Variants in BTBD7 observed in about 807,000 individuals in gnomAD.
BTBD7 encodes the protein BTB/POZ domain-containing protein 7.
BTBD7 carries 38 observed loss-of-function variants against 99.9 expected under a neutral mutation model. That is an observed-to-expected ratio of 0.38 (90% CI 0.29 to 0.50). The LOEUF is 0.50. BTBD7 is among the 20% of genes least tolerant of loss of function. The pLI is 0.93. For missense variants in BTBD7, 1,170 were observed against 1,394.6 expected (o/e 0.84, Z 2.57); for synonymous variants, 520 against 511.4 (o/e 1.02, Z -0.23).
intron 3 of BTBD7, among the ~76,000 whole-genome samples, chr14:93,287,149 A>G (rs931459142): frequency 6.6e-6 from 1 of 151,340 alleles, no homozygotes; most frequent in African/African-American, 2.4e-5. Flanking sequence ...GAATCGCTTG[A>G]ACCTGGGAGG....
intron 1 of BTBD7, among the ~76,000 whole-genome samples, chr14:93,299,434 T>TC (rs2052966614): frequency 6.6e-6 from 1 of 152,142 alleles, no homozygotes; most frequent in Non-Finnish European, 1.5e-5. Flanking sequence ...TCTACAGACA[T>TC]CCAATCTTTG....
At chr14:93,247,261 C>T (rs61991738) in intron 9 of BTBD7, among the ~76,000 whole-genome samples, 126 of 152,270 alleles carry the variant, frequency 8.3e-4, no homozygotes, top group South Asian at 4.6e-3. Context: ...CTCTTGAGCT[C>T]AAGTGATTCA....
intron 3 of BTBD7, among the ~76,000 whole-genome samples, chr14:93,290,676 C>A (rs1404087069): frequency 6.6e-6 from 1 of 151,556 alleles, no homozygotes; most frequent in South Asian, 2.1e-4. Context: ...TGCCACCACA[C>A]CCAGCTAAAT....
Position 93,242,712 on chromosome 14 carries a change from C to T in BTBD7, c.2960G>A (p.Gly987Asp), listed in dbSNP as rs769436996. 6.2e-7 allele frequency: 1 copy of T among 1,614,148 alleles called. No individual in the cohort carries two copies. The highest frequency in any genetic ancestry group is 1.1e-5 in the South Asian group (1 of 91,072). Residue 987 changes from glycine to aspartate, a missense_variant, in exon 11 of 11, where the codon GGC (glycine) becomes GAC (aspartate). Coordinates refer to ENST00000334746, the MANE Select transcript of BTBD7 (RefSeq NM_001002860.4). ...ACCAGGTAGGTAGGCTGACTTTAAG[C>T]CACTTGGTGATGCCTTATTGTGGCT... Reference protein sequence around the residue: ...LYSHNKASPSGLKSAYLPGQT... With the variant: ...LYSHNKASPSDLKSAYLPGQT...
At chr14:93,295,615 T>C (rs896926712) in intron 2 of BTBD7, among the ~76,000 whole-genome samples, 1 of 152,202 alleles carries the variant, frequency 6.6e-6, no homozygotes, top group African/African-American at 2.4e-5. Context: ...AATTGTGAAA[T>C]GTTTCTTTTT....
rs2053179836 is a variant in BTBD7 at position 93,314,768 on chromosome 14, G to A, written c.-107+18052C>T. 2.0e-5 allele frequency among the ~76,000 whole-genome samples: 3 copies of A among 152,130 alleles called. No homozygotes were observed. The South Asian group carries it at 6.2e-4, about 31-fold the overall frequency. On this transcript the variant is annotated intron_variant, in intron 1 of 10. Coordinates refer to ENST00000334746, the MANE Select transcript of BTBD7 (RefSeq NM_001002860.4). ...TGCAATTTACACTCCTATCAGCTCT[G>A]CATGAGAATGTCCAAAATGCTGGAC...
At chr14:93,269,119 C>G (rs375358581) in intron 3 of BTBD7, among the ~76,000 whole-genome samples, 1 of 152,042 alleles carries the variant, frequency 6.6e-6, no homozygotes, top group Non-Finnish European at 1.5e-5. Flanking sequence ...ACTTCTCTCA[C>G]GAGCAGAAAG....
rs866410777 is a variant in BTBD7 at position 93,328,611 on chromosome 14, T to A, written c.-107+4209A>T. 4.7e-3 allele frequency among the ~76,000 whole-genome samples: 481 copies of A among 101,868 alleles called. 3 individuals are homozygous for A. The highest frequency in any genetic ancestry group is 0.035 in the Middle Eastern group (5 of 142). 66.8% of individuals were successfully genotyped at this position (101,868 alleles called of 152,430 possible). A position where few individuals can be genotyped will look rare whatever the true frequency, so the allele number is the denominator to read the frequency against. On this transcript the variant is annotated intron_variant, in intron 1 of 10. Transcript: ENST00000334746. ...TAAGAGCCAGAACTATAAAATTCTT[T>A]AAAAAAAAAAAAAAAAAAAAAAAAA...
chr14:93,321,351 C>G (rs902648355), intron 1 of BTBD7, among the ~76,000 whole-genome samples: 5 of 152,294 alleles, frequency 3.3e-5, no homozygotes, highest in African/African-American at 1.2e-4. Flanking sequence ...CCAGCACTTT[C>G]AGAGGCCTAG....
intron 3 of BTBD7, among the ~76,000 whole-genome samples, chr14:93,286,359 G>A (rs1422010574): frequency 1.3e-5 from 2 of 152,184 alleles, no homozygotes; most frequent in African/African-American, 4.8e-5. Flanking sequence ...AGGAAACAAT[G>A]GCTGAAACAG....
intron 3 of BTBD7, among the ~76,000 whole-genome samples, chr14:93,286,210 A>G (rs1405996322): frequency 3.1e-4 from 47 of 152,226 alleles, no homozygotes; most frequent in Admixed American, 3.1e-3. Flanking sequence ...TGCAGAAGAA[A>G]GTATATGACC....
intron 1 of BTBD7, among the ~76,000 whole-genome samples, chr14:93,309,227 C>A (rs558686786): frequency 6.6e-6 from 1 of 152,140 alleles, no homozygotes; most frequent in African/African-American, 2.4e-5. Flanking sequence ...ATGTAGACAG[C>A]ACAGGCATAT....
chr14:93,289,354 TAA>T (rs1422745448), intron 3 of BTBD7, among the ~76,000 whole-genome samples: 5 of 152,218 alleles, frequency 3.3e-5, no homozygotes, highest in Non-Finnish European at 5.9e-5. Context: ...TATTCAGACT[TAA>T]AATCAACTCT....
chr14:93,243,194 G>C, intron 10 of BTBD7, 106 bp from the exon 11 acceptor site: 1 of 1,061,920 alleles, frequency 9.4e-7, no homozygotes, highest in African/African-American at 1.6e-5. Context: ...AACACATTCT[G>C]TTTTTGTTTT....
intron 3 of BTBD7, among the ~76,000 whole-genome samples, chr14:93,264,262 C>G (rs1018892241): frequency 1.3e-5 from 2 of 151,954 alleles, no homozygotes; most frequent in African/African-American, 4.8e-5. Flanking sequence ...ATGTGCAAAC[C>G]AATAATGTGA....
intron 1 of BTBD7, among the ~76,000 whole-genome samples, chr14:93,328,373 A>G (rs1049197637): frequency 7.2e-5 from 11 of 152,196 alleles, no homozygotes; most frequent in African/African-American, 2.4e-4. Flanking sequence ...ATAAAACTAC[A>G]GTAATTAAAA....
At chr14:93,272,279 C>G (rs1001430057) in intron 3 of BTBD7, among the ~76,000 whole-genome samples, 2 of 152,094 alleles carry the variant, frequency 1.3e-5, no homozygotes, top group Non-Finnish European at 2.9e-5. Flanking sequence ...GAGACTGTCT[C>G]AAAAACACAA....
intron 1 of BTBD7, among the ~76,000 whole-genome samples, chr14:93,309,271 G>T (rs1465977409): frequency 6.6e-6 from 1 of 152,076 alleles, no homozygotes; most frequent in Non-Finnish European, 1.5e-5. Flanking sequence ...TCAAAGTAGA[G>T]ACTTTAAAGT....
intron 5 of BTBD7, among the ~76,000 whole-genome samples, chr14:93,258,262 A>C (rs2052452298): frequency 6.6e-6 from 1 of 151,784 alleles, no homozygotes; most frequent in Admixed American, 6.6e-5. Flanking sequence ...TTGAGAAGCT[A>C]AGTTTTTTTC....
Sources: gnomAD v4.1 joint callset for allele counts (sites outside exome capture counted in the v4.1 genomes callset) on GRCh38, gnomAD v4.1.1 for gene constraint, MANE v1.5 for transcripts, NCBI Gene and HGNC (gene_info 2026-07-23, HGNC 2026-07-21) for gene names.